TEX11: variants seen among roughly 807,000 people sequenced by gnomAD.
TEX11 encodes testis expressed 11.
Under a neutral mutation model 84.4 loss-of-function variants are expected in TEX11, and 7 were observed. That is an observed-to-expected ratio of 0.08 (90% confidence interval 0.05 to 0.16). The LOEUF is 0.16. TEX11 is among the 10% of genes least tolerant of loss of function. The pLI, the probability that TEX11 is intolerant of heterozygous loss-of-function variation, is 1.00. For missense variants in TEX11, 551 were observed against 660.5 expected, an observed-to-expected ratio of 0.83 and a Z score of 1.82; for synonymous variants, 264 against 222.8, an observed-to-expected ratio of 1.18 and a Z score of -1.64.
chrX:70,750,931 AAAATATATATATATATATATATAT>A (rs1298296663), intron 9 of TEX11, among the ~76,000 whole-genome samples: 1 of 21,993 alleles, frequency 4.5e-5, no homozygotes, highest in African/African-American at 1.5e-4. Flanking sequence ...TAAAAAAAAA[AAAATATATATATATATATATATAT>A]ATATATATAT....
chrX:70,631,132 C>T (rs1292184248), intron 17 of TEX11, among the ~76,000 whole-genome samples: 8 of 112,073 alleles, frequency 7.1e-5, no homozygotes, highest in Non-Finnish European at 1.3e-4. Flanking sequence ...ACACTTAACA[C>T]TAAATCAACT....
intron 17 of TEX11, among the ~76,000 whole-genome samples, chrX:70,639,851 A>G (rs1170011090): frequency 9.0e-6 from 1 of 111,610 alleles, no homozygotes; most frequent in East Asian, 2.8e-4. Flanking sequence ...AAACTCTAAA[A>G]ATCAGAGCGC....
chrX:70,895,570 C>A (rs2091762135), intron 2 of TEX11, among the ~76,000 whole-genome samples: 1 of 111,934 alleles, frequency 8.9e-6, no homozygotes. Context: ...CCAAGACAAT[C>A]CTAAGCAAAA....
chrX:70,618,420 C>T (rs56268567), intron 20 of TEX11, among the ~76,000 whole-genome samples: 12,113 of 110,924 alleles, frequency 0.11, 563 homozygotes, highest in Middle Eastern at 0.2. Flanking sequence ...TCTGGGGACT[C>T]AGCAAAAAGA....
chrX:70,533,024 C>A (rs1261640299), intron 28 of TEX11, among the ~76,000 whole-genome samples: 1 of 109,805 alleles, frequency 9.1e-6, no homozygotes, highest in Non-Finnish European at 1.9e-5. Flanking sequence ...GGCGACAGGG[C>A]GAGATTCTGT....
intron 11 of TEX11, among the ~76,000 whole-genome samples, chrX:70,737,592 G>A (rs1054017326): frequency 1.8e-5 from 2 of 110,131 alleles, no homozygotes; most frequent in African/African-American, 6.6e-5. Flanking sequence ...AAGAAGACAC[G>A]CTATATAAAA....
intron 7 of TEX11, among the ~76,000 whole-genome samples, chrX:70,847,409 TTTTA>T (rs1387863176): frequency 9.0e-6 from 1 of 111,573 alleles, no homozygotes; most frequent in African/African-American, 3.3e-5. Flanking sequence ...CCTCATTTTC[TTTTA>T]TTTCTCTGAA....
chrX:70,513,986 T>C, the TEX11 span, among the ~76,000 whole-genome samples: 4 of 109,158 alleles, frequency 3.7e-5, no homozygotes, highest in African/African-American at 1.4e-4. Context: ...GCTTCAGCTG[T>C]CTTGGTATAA....
At chrX:70,660,388 C>T (rs954177392) in intron 16 of TEX11, among the ~76,000 whole-genome samples, 3 of 112,073 alleles carry the variant, frequency 2.7e-5, no homozygotes, top group African/African-American at 6.5e-5. Context: ...GTAATAACAC[C>T]GAGCTTAAAA....
intron 8 of TEX11, among the ~76,000 whole-genome samples, chrX:70,822,446 T>C (rs370132691): frequency 2.3e-4 from 26 of 111,102 alleles, no homozygotes; most frequent in African/African-American, 8.5e-4. Flanking sequence ...GGTATGTATA[T>C]ACACACACAC....
chrX:70,747,367 G>A (rs1240005682), intron 9 of TEX11, among the ~76,000 whole-genome samples: 1 of 112,319 alleles, frequency 8.9e-6, no homozygotes, highest in African/African-American at 3.2e-5. Context: ...AGGCCACACA[G>A]TGTGTGGAAA....
intron 9 of TEX11, among the ~76,000 whole-genome samples, chrX:70,800,087 T>G (rs181572383): frequency 9.0e-6 from 1 of 111,704 alleles, no homozygotes; most frequent in East Asian, 2.8e-4. Context: ...TAATATAAAG[T>G]TTTTTAACAT....
chrX:70,553,092 T>C (rs901924138), intron 27 of TEX11, among the ~76,000 whole-genome samples: 30 of 111,687 alleles, frequency 2.7e-4, no homozygotes, highest in Non-Finnish European at 4.7e-4. Flanking sequence ...ACTTTTCCCC[T>C]TTTTTTTCTC....
At chrX:70,636,629 A>T (rs1332035677) in intron 17 of TEX11, among the ~76,000 whole-genome samples, 1 of 112,390 alleles carries the variant, frequency 8.9e-6, no homozygotes, top group Non-Finnish European at 1.9e-5. Flanking sequence ...GCTCTTGCAG[A>T]TTCAGACTCA....
In TEX11 at chrX:70,678,905, AG is replaced by A; in HGVS notation, c.1157-17del. ...GTTTGGTGAGCTGAAAAAAAAAAAA[AG>A]CTCTGAAAATAAGAATCTCGGTCTA... is the stretch of plus-strand genomic sequence containing the variant. On this transcript the variant is annotated splice_polypyrimidine_tract_variant and intron_variant, in intron 14 of 29. Transcript: ENST00000374333. The A allele has an allele frequency of 1.2e-6, 1 of 805,467 alleles. No individual in the cohort carries two copies. Among genetic ancestry groups the A allele is most frequent in the Non-Finnish European group, 1.8e-6 (1 of 551,094 alleles). 66.4% of individuals were successfully genotyped at this position (805,467 alleles called of 1,213,427 possible). A position where few individuals can be genotyped will look rare whatever the true frequency, so the allele number is the denominator to read the frequency against.
intron 8 of TEX11, among the ~76,000 whole-genome samples, chrX:70,822,566 A>ACC (rs2091323690): frequency 9.0e-6 from 1 of 111,330 alleles, no homozygotes; most frequent in African/African-American, 3.3e-5. Flanking sequence ...ACACACACAC[A>ACC]CCCATATCGG....
intron 4 of TEX11, 69 bp downstream of exon 4, chrX:70,873,154 C>A: frequency 1.6e-6 from 1 of 639,674 alleles, no homozygotes; most frequent in Non-Finnish European, 2.5e-6. Flanking sequence ...ATTATTTAAA[C>A]TGCAGGAATA....
At chrX:70,682,071 T>C (rs921933452) in intron 14 of TEX11, among the ~76,000 whole-genome samples, 3 of 111,549 alleles carry the variant, frequency 2.7e-5, no homozygotes, top group African/African-American at 9.8e-5. Context: ...AAGGACGAAG[T>C]GGTGAAGAGA....
intron 13 of TEX11, among the ~76,000 whole-genome samples, chrX:70,704,027 C>T (rs760990163): frequency 1.0e-4 from 11 of 110,285 alleles, no homozygotes; most frequent in Admixed American, 9.7e-4. Flanking sequence ...CCCTTTGGTG[C>T]TATTCTCATG....
Sources: gnomAD v4.1 joint callset for allele counts (sites outside exome capture counted in the v4.1 genomes callset) on GRCh38, gnomAD v4.1.1 for gene constraint, MANE v1.5 for transcripts, NCBI Gene and HGNC (gene_info 2026-07-23, HGNC 2026-07-21) for gene names.